Variants in POLD3 observed in about 807,000 individuals in gnomAD.
POLD3 encodes the protein DNA polymerase delta 3, accessory subunit, also known as DNA polymerase delta subunit 3.
In POLD3, 19 loss-of-function variants were observed where a neutral mutation model predicts 58.2. That is an observed-to-expected ratio of 0.33 (90% confidence interval 0.23 to 0.48). The LOEUF (loss-of-function observed/expected upper bound fraction) is 0.48, where lower values mean the gene tolerates loss of function less well. POLD3 is among the 20% of genes least tolerant of loss of function. The probability of loss-of-function intolerance (pLI) is 0.99; values close to 1 mark genes in which losing one functional copy is unlikely to be tolerated. For missense variants in POLD3, 504 were observed against 545.5 expected (o/e 0.92, Z 0.76); for synonymous variants, 172 against 193.5 (o/e 0.89, Z 0.92).
intron 9 of POLD3, among the ~76,000 whole-genome samples, chr11:74,632,336 T>C (rs562682083): frequency 6.6e-6 from 1 of 152,200 alleles, no homozygotes; most frequent in Non-Finnish European, 1.5e-5. Context: ...TAAGTGATAT[T>C]TCATTACTTA....
intron 5 of POLD3, among the ~76,000 whole-genome samples, chr11:74,616,430 G>T (rs7109001): frequency 6.6e-6 from 1 of 152,172 alleles, no homozygotes; most frequent in Admixed American, 6.5e-5. Flanking sequence ...CATACTCCTA[G>T]CCTAACTCGG....
intron 4 of POLD3, among the ~76,000 whole-genome samples, chr11:74,665,731 AAC>A (rs2033261012): frequency 6.6e-6 from 1 of 152,082 alleles, no homozygotes. Context: ...CACTAAACAA[AAC>A]TAGAAATAGA....
chr11:74,627,557 A>G (rs1412655456), intron 8 of POLD3, among the ~76,000 whole-genome samples: 1 of 152,156 alleles, frequency 6.6e-6, no homozygotes, highest in Non-Finnish European at 1.5e-5. Flanking sequence ...GGGCCTTCAC[A>G]TTTCACTCAC....
At chr11:74,610,596 G>A (rs2031876647) in intron 3 of POLD3, among the ~76,000 whole-genome samples, 1 of 150,724 alleles carries the variant, frequency 6.6e-6, no homozygotes, top group Non-Finnish European at 1.5e-5. Context: ...GTAAGTTGCA[G>A]TTTTTTTCCG....
intron 2 of POLD3, among the ~76,000 whole-genome samples, chr11:74,602,215 A>C (rs964058610): frequency 1.3e-5 from 2 of 152,002 alleles, no homozygotes; most frequent in African/African-American, 4.8e-5. Context: ...GAGAGCTGGG[A>C]TTACAGGCGT....
Position 74,612,468 on chromosome 11 carries a change from A to G in POLD3, c.260-410A>G, listed in dbSNP as rs1481640951. 3.3e-5 allele frequency among the ~76,000 whole-genome samples: 5 copies of G among 152,280 alleles called. No homozygotes were observed. The East Asian group carries it at 9.6e-4, about 29-fold the overall frequency. ...TTATCTAGTTAGTAGTGTTTTTATT[A>G]CAGAGTTGCTTTCTCTAAACTAAAA... is the stretch of plus-strand genomic sequence containing the variant. On this transcript the variant is annotated intron_variant, in intron 4 of 11. Transcript: ENST00000263681.
At chr11:74,596,446 A>G (rs1591285436) in intron 2 of POLD3, among the ~76,000 whole-genome samples, 1 of 152,146 alleles carries the variant, frequency 6.6e-6, no homozygotes, top group Non-Finnish European at 1.5e-5. Flanking sequence ...TCGGCCTTCT[A>G]AAGTGCTGGG....
At chr11:74,629,503 T>C (rs1267540049) in intron 9 of POLD3, among the ~76,000 whole-genome samples, 180 bp downstream of exon 9, 2 of 152,184 alleles carry the variant, frequency 1.3e-5, no homozygotes, top group Non-Finnish European at 2.9e-5. Flanking sequence ...CATGATCTTT[T>C]GGAAATTTGT....
chr11:74,648,429 G>T (rs1459843367), intron 4 of POLD3, among the ~76,000 whole-genome samples: 3 of 152,186 alleles, frequency 2.0e-5, no homozygotes, highest in Non-Finnish European at 4.4e-5. Context: ...TAAAGGAGGT[G>T]TGTGTCCATA....
chr11:74,611,945 T>C (rs1565116512), intron 4 of POLD3, among the ~76,000 whole-genome samples: 1 of 152,220 alleles, frequency 6.6e-6, no homozygotes, highest in Non-Finnish European at 1.5e-5. Flanking sequence ...GTTTCAAGAC[T>C]ATCAGTGCTA....
chr11:74,618,387 T>A (rs1186224180), intron 5 of POLD3, 150 bp from the exon 6 acceptor site: 1 of 577,916 alleles, frequency 1.7e-6, no homozygotes, highest in African/African-American at 1.9e-5. Context: ...AAGTCGATTC[T>A]AAACAATATT....
intron 4 of POLD3, among the ~76,000 whole-genome samples, chr11:74,649,131 A>G (rs568053478): frequency 2.6e-5 from 4 of 152,098 alleles, no homozygotes; most frequent in Non-Finnish European, 5.9e-5. Context: ...ACATACACAC[A>G]CTGATTCAGA....
At chr11:74,643,572 G>A (rs574074391), downstream of POLD3, among the ~76,000 whole-genome samples, 3 of 152,320 alleles carry the variant, frequency 2.0e-5, no homozygotes, top group South Asian at 4.1e-4. Flanking sequence ...TTTGAATGAT[G>A]AGCAGGATTT....
intron 11 of POLD3, among the ~76,000 whole-genome samples, chr11:74,636,558 A>G (rs571271515): frequency 3.9e-5 from 6 of 152,278 alleles, no homozygotes; most frequent in East Asian, 1.9e-4. Context: ...TGGAATATCT[A>G]TTTTGCCTAA....
At chr11:74,595,814 C>T (rs185478444) in intron 2 of POLD3, among the ~76,000 whole-genome samples, 5 of 152,236 alleles carry the variant, frequency 3.3e-5, no homozygotes, top group East Asian at 1.9e-4. Context: ...GATGGAGTCC[C>T]GCCATGTTTC....
At position 74,642,234 on chromosome 11, in the gene POLD3, T is replaced by C; in HGVS notation, c.*1468T>C. The C allele has an allele frequency of 1.0e-6, 1 of 985,416 alleles. No individual in the cohort carries two copies. The highest frequency in any genetic ancestry group is 4.7e-5 in the South Asian group (1 of 21,286). 61.0% of individuals were successfully genotyped at this position (985,416 alleles called of 1,614,324 possible). A position where few individuals can be genotyped will look rare whatever the true frequency, so the allele number is the denominator to read the frequency against. ...TGATTAAGACCAGAAGTTTGGGAGA[T>C]GAGTCCTGGCATTATGTCTAGGACT... On this transcript the variant is annotated 3_prime_UTR_variant, in exon 12 of 12. Coordinates refer to ENST00000263681, the MANE Select transcript of POLD3 (RefSeq NM_006591.3).
intron 2 of POLD3, among the ~76,000 whole-genome samples, chr11:74,603,293 A>G (rs1258953287): frequency 2.0e-5 from 3 of 152,228 alleles, no homozygotes; most frequent in African/African-American, 4.8e-5. Flanking sequence ...GAAATAGTCT[A>G]GTCAAGAGAT....
chr11:74,593,133 C>T, intron 1 of POLD3: 3 of 694,782 alleles, frequency 4.3e-6, no homozygotes, highest in Non-Finnish European at 5.4e-6. Context: ...ACTGTTTCCT[C>T]TTCCTGGAAA....
chr11:74,638,120 C>T (rs1250890382), intron 11 of POLD3, among the ~76,000 whole-genome samples: 2 of 152,038 alleles, frequency 1.3e-5, no homozygotes, highest in Non-Finnish European at 2.9e-5. Context: ...TGATGTTACC[C>T]ACGAAAACCA....
Sources: allele counts gnomAD v4.1 joint callset (sites outside exome capture counted in the v4.1 genomes callset), GRCh38; gene constraint gnomAD v4.1.1; transcripts MANE v1.5; gene names NCBI Gene and HGNC (gene_info 2026-07-23, HGNC 2026-07-21).